PRORP: variants seen among roughly 807,000 people sequenced by gnomAD.
PRORP encodes the protein protein only RNase P catalytic subunit, also known as mitochondrial ribonuclease P catalytic subunit.
A neutral mutation model predicts 59.4 loss-of-function variants in PRORP; 51 were observed. That is an observed-to-expected ratio of 0.86 (90% CI 0.69 to 1.08). PRORP has a LOEUF of 1.08. Ranked by LOEUF, PRORP falls within the 50% of genes least tolerant of loss-of-function variation. The pLI, the probability that PRORP is intolerant of heterozygous loss-of-function variation, is 0.00. For synonymous variants in PRORP, 231 were observed against 245.6 expected (o/e 0.94, Z 0.55); for missense variants, 646 against 690.3 (o/e 0.94, Z 0.72).
chr14:35,133,184 G>A (rs2047293863), intron 4 of PRORP, among the ~76,000 whole-genome samples: 1 of 152,122 alleles, frequency 6.6e-6, no homozygotes, highest in Non-Finnish European at 1.5e-5. Flanking sequence ...CTCCCAAAGT[G>A]ATGGGATTAC....
intron 4 of PRORP, among the ~76,000 whole-genome samples, chr14:35,167,982 CTTTAACACA>C (rs1387530417): frequency 6.6e-6 from 1 of 152,178 alleles, no homozygotes; most frequent in Non-Finnish European, 1.5e-5. Flanking sequence ...AAGCAACTGG[CTTTAACACA>C]TTTTTCCCCC....
At chr14:35,158,881 C>G (rs925457560) in intron 4 of PRORP, 1 of 307,556 alleles carries the variant, frequency 3.3e-6, no homozygotes, top group African/African-American at 2.2e-5. Flanking sequence ...TATGAGGAAT[C>G]ATGAGTTGAT....
intron 5 of PRORP, among the ~76,000 whole-genome samples, chr14:35,216,490 G>A (rs2049599657): frequency 6.6e-6 from 1 of 151,974 alleles, no homozygotes; most frequent in African/African-American, 2.4e-5. Flanking sequence ...TTTATTTTTA[G>A]TAGAGATGAG....
At chr14:35,272,048 A>C (rs1347447008) in intron 7 of PRORP, among the ~76,000 whole-genome samples, 2 of 140,520 alleles carry the variant, frequency 1.4e-5, no homozygotes, top group East Asian at 2.0e-4. Context: ...AAAAAACAAC[A>C]AAAAAAAAAC....
intron 5 of PRORP, among the ~76,000 whole-genome samples, chr14:35,215,315 G>A (rs1443543295): frequency 6.6e-6 from 1 of 152,036 alleles, no homozygotes; most frequent in Non-Finnish European, 1.5e-5. Context: ...ACTGAACAAT[G>A]GTAGAATCTC....
At chr14:35,183,328 G>A (rs1410334435) in intron 5 of PRORP, among the ~76,000 whole-genome samples, 1 of 151,856 alleles carries the variant, frequency 6.6e-6, no homozygotes, top group African/African-American at 2.4e-5. Flanking sequence ...TCTGGTTTTT[G>A]TTCACGTTTT....
chr14:35,178,689 CTT>C (rs1325065696), intron 4 of PRORP, among the ~76,000 whole-genome samples: 3 of 152,266 alleles, frequency 2.0e-5, no homozygotes, highest in Middle Eastern at 3.4e-3. Flanking sequence ...GATCTTGACT[CTT>C]TATCCAGTTT....
At chr14:35,125,204 G>A (rs1218798461) in intron 2 of PRORP, among the ~76,000 whole-genome samples, 1 of 152,108 alleles carries the variant, frequency 6.6e-6, no homozygotes, top group African/African-American at 2.4e-5. Flanking sequence ...GATGATTAGA[G>A]TGGACAGGGG....
At chr14:35,144,655 C>T (rs2047562297) in intron 4 of PRORP, among the ~76,000 whole-genome samples, 1 of 145,854 alleles carries the variant, frequency 6.9e-6, no homozygotes, top group Non-Finnish European at 1.5e-5. Context: ...CATAATCGTT[C>T]TTTGATACTA....
intron 4 of PRORP, among the ~76,000 whole-genome samples, chr14:35,149,536 A>G (rs993091515): frequency 6.6e-6 from 1 of 151,900 alleles, no homozygotes; most frequent in East Asian, 1.9e-4. Context: ...TGTTATGGGG[A>G]TTGCTTATTT....
chr14:35,266,791 A>C lies in PRORP; in HGVS notation c.1340A>C (p.His447Pro), dbSNP rs1242369911. 1.9e-6 allele frequency: 3 copies of C among 1,614,174 alleles called. No individual in the cohort carries two copies. Among genetic ancestry groups the C allele is most frequent in the Non-Finnish European group, 2.5e-6 (3 of 1,180,026 alleles). Residue 447 changes from histidine to proline, a missense_variant, in exon 6 of 8, where the codon CAC (histidine) becomes CCC (proline). His to Pro is a moderately conservative substitution (Grantham distance 77, BLOSUM62 -2). Coordinates refer to ENST00000534898, the MANE Select transcript of PRORP (RefSeq NM_014672.4). ...NLRLLVLGRK[H>P]MLRRSSQWSR... is the part of the protein sequence containing the mutation. ...CGACTGCTGGTCCTAGGCCGGAAGC[A>C]CATGCTAAGACGGAGTTCCCAGTGG...
At chr14:35,136,576 T>C (rs2138829168) in intron 4 of PRORP, among the ~76,000 whole-genome samples, 1 of 144,842 alleles carries the variant, frequency 6.9e-6, no homozygotes, top group South Asian at 2.3e-4. Flanking sequence ...GGTTTCTCCA[T>C]ATTGGTGAGG....
At chr14:35,167,921 G>A (rs1035029856) in intron 4 of PRORP, among the ~76,000 whole-genome samples, 1 of 152,202 alleles carries the variant, frequency 6.6e-6, no homozygotes, top group Non-Finnish European at 1.5e-5. Context: ...ATATCCATGT[G>A]CTGCAGACAC....
intron 4 of PRORP, among the ~76,000 whole-genome samples, chr14:35,155,628 G>A (rs2047895562): frequency 6.6e-6 from 1 of 150,698 alleles, no homozygotes; most frequent in South Asian, 2.1e-4. Context: ...TATGAAAAGG[G>A]AGATTATAAA....
chr14:35,199,208 G>C (rs1331547416), intron 5 of PRORP, among the ~76,000 whole-genome samples: 2 of 150,610 alleles, frequency 1.3e-5, no homozygotes, highest in African/African-American at 4.9e-5. Context: ...GGTGGTGCGT[G>C]CCTGTAGTCC....
At chr14:35,171,776 C>A (rs753426243) in intron 4 of PRORP, among the ~76,000 whole-genome samples, 1 of 152,106 alleles carries the variant, frequency 6.6e-6, no homozygotes, top group Non-Finnish European at 1.5e-5. Context: ...ACTGTAATTA[C>A]ACATGTTAAT....
intron 4 of PRORP, among the ~76,000 whole-genome samples, chr14:35,128,456 C>T (rs907587689): frequency 3.3e-5 from 5 of 151,920 alleles, no homozygotes; most frequent in Admixed American, 1.3e-4. Context: ...GCAGTGAAGC[C>T]GTCAGGTCCT....
At chr14:35,171,615 A>G (rs2048314373) in intron 4 of PRORP, among the ~76,000 whole-genome samples, 1 of 152,024 alleles carries the variant, frequency 6.6e-6, no homozygotes, top group African/African-American at 2.4e-5. Context: ...TGATGTGCCT[A>G]GTTATAGTTT....
intron 5 of PRORP, among the ~76,000 whole-genome samples, chr14:35,256,973 A>G (rs2050778153): frequency 1.3e-5 from 2 of 151,014 alleles, no homozygotes; most frequent in South Asian, 4.2e-4. Context: ...CCTAGGTTCA[A>G]GCGATTCTCC....
Sources: allele counts gnomAD v4.1 joint callset (sites outside exome capture counted in the v4.1 genomes callset), GRCh38; gene constraint gnomAD v4.1.1; transcripts MANE v1.5; gene names NCBI Gene and HGNC (gene_info 2026-07-23, HGNC 2026-07-21).